The following ADAMTS18 variants were observed in gnomAD, a reference collection of about 807,000 sequenced individuals.
ADAMTS18 encodes the protein ADAM metallopeptidase with thrombospondin type 1 motif 18, also known as A disintegrin and metalloproteinase with thrombospondin motifs 18.
Under a neutral mutation model 165.9 loss-of-function variants are expected in ADAMTS18, and 157 were observed. That is an observed-to-expected ratio of 0.95 (90% CI 0.83 to 1.08). The LOEUF is 1.08. Ranked by LOEUF, ADAMTS18 falls within the 50% of genes least tolerant of loss-of-function variation. ADAMTS18 has a pLI of 0.00. For missense variants in ADAMTS18, 2,040 were observed against 1,534.0 expected (o/e 1.33, Z -5.51); for synonymous variants, 782 against 578.2 (o/e 1.35, Z -5.06).
chr16:77,326,156 T>C, intron 12 of ADAMTS18, 118 bp from the exon 13 acceptor site: 1 of 937,238 alleles, frequency 1.1e-6, no homozygotes. Flanking sequence ...TGCAAAGGCA[T>C]ACAGTCTATT....
intron 16 of ADAMTS18, among the ~76,000 whole-genome samples, chr16:77,314,039 G>T (rs577701309): frequency 1.3e-5 from 2 of 152,168 alleles, no homozygotes; most frequent in African/African-American, 4.8e-5. Flanking sequence ...GGAAATGCTA[G>T]TATCTTCCTC....
chr16:77,375,585 C>G (rs1288956983), intron 3 of ADAMTS18, among the ~76,000 whole-genome samples: 1 of 152,082 alleles, frequency 6.6e-6, no homozygotes, highest in Non-Finnish European at 1.5e-5. Context: ...TGTCTCAGAG[C>G]TAAGGAGCGG....
intron 22 of ADAMTS18, among the ~76,000 whole-genome samples, chr16:77,285,463 C>A (rs565250241): frequency 7.4e-6 from 1 of 135,234 alleles, no homozygotes; most frequent in East Asian, 2.3e-4. Context: ...GTGAGGCACA[C>A]CCCCGGCCAT....
At chr16:77,417,201 A>G (rs1028404699) in intron 3 of ADAMTS18, among the ~76,000 whole-genome samples, 2 of 152,146 alleles carry the variant, frequency 1.3e-5, no homozygotes, top group African/African-American at 2.4e-5. Flanking sequence ...ATAGTCTGTC[A>G]TAATGTGAAG....
At chr16:77,326,135 G>A in intron 12 of ADAMTS18, 97 bp from the exon 13 acceptor site, 1 of 1,199,874 alleles carries the variant, frequency 8.3e-7, no homozygotes, top group East Asian at 2.5e-5. Flanking sequence ...GATGAGCACT[G>A]CCACAGTGTA....
At position 77,434,503 on chromosome 16, in the gene ADAMTS18, C is replaced by G; in HGVS notation, c.93G>C (p.Ala31=). The change falls in exon 2 of 23, where the codon GCG becomes GCC. Residue 31 remains alanine (A), a splice_region_variant and synonymous_variant. Coordinates refer to ENST00000282849, the MANE Select transcript of ADAMTS18 (RefSeq NM_199355.4). The part of the protein sequence containing the change: ...GLAGLGRVAK[A]LQLCCLCCAS... Reference sequence around the variant, plus strand: ...CACAGCAGAGGCAGCACAGCTGGAGCGCCTGCAAGAGAAAAGGTGACATCG... The same window carrying G: ...CACAGCAGAGGCAGCACAGCTGGAGGGCCTGCAAGAGAAAAGGTGACATCG... The G allele has an allele frequency of 6.4e-7, 1 of 1,558,220 alleles. No individual in the cohort carries two copies. Among genetic ancestry groups the G allele is most frequent in the Non-Finnish European group, 8.7e-7 (1 of 1,155,724 alleles).
intron 3 of ADAMTS18, among the ~76,000 whole-genome samples, chr16:77,389,716 A>G (rs1469847903): frequency 1.3e-5 from 2 of 152,224 alleles, no homozygotes; most frequent in African/African-American, 4.8e-5. Flanking sequence ...AAAGAGGCTA[A>G]GGTTAGCCAA....
chr16:77,370,177 G>C (rs909967379), intron 3 of ADAMTS18, among the ~76,000 whole-genome samples: 30 of 152,236 alleles, frequency 2.0e-4, no homozygotes, highest in African/African-American at 6.0e-4. Flanking sequence ...TCCAGAACAA[G>C]ACAAAGATGC....
At chr16:77,406,495 T>C (rs1268018115) in intron 3 of ADAMTS18, among the ~76,000 whole-genome samples, 1 of 151,852 alleles carries the variant, frequency 6.6e-6, no homozygotes, top group South Asian at 2.1e-4. Flanking sequence ...CAATAAACAA[T>C]AAATAAATAA....
intron 13 of ADAMTS18, among the ~76,000 whole-genome samples, chr16:77,323,004 GA>G (rs1033821892): frequency 1.3e-5 from 2 of 151,456 alleles, no homozygotes; most frequent in Non-Finnish European, 2.9e-5. Flanking sequence ...AACATATAGA[GA>G]AAAAAAACCA....
At chr16:77,301,548 C>G (rs553580752) in intron 16 of ADAMTS18, among the ~76,000 whole-genome samples, 1 of 152,312 alleles carries the variant, frequency 6.6e-6, no homozygotes, top group South Asian at 2.1e-4. Flanking sequence ...ACCACTAGAA[C>G]TGGGCATTCA....
Position 77,375,890 on chromosome 16 carries a change from CTTTTTTTTTTTTTTTT to C in ADAMTS18, c.496-8183_496-8168del, listed in dbSNP as rs200629744. ...TTTTATGTCGTTTTTTCTTTCTTTC[CTTTTTTTTTTTTTTTT>C]TTTTTTTTTTTTTTGAGACGGAGTT... On this transcript the variant is annotated intron_variant, in intron 3 of 22. Coordinates refer to ENST00000282849, the MANE Select transcript of ADAMTS18 (RefSeq NM_199355.4). Among the ~76,000 whole-genome samples, 587 of 93,900 alleles carry C rather than the reference CTTTTTTTTTTTTTTTT, an allele frequency of 6.3e-3. 7 individuals are homozygous for C. Among genetic ancestry groups the C allele is most frequent in the East Asian group, 0.027 (101 of 3,738 alleles). 61.6% of individuals were successfully genotyped at this position (93,900 alleles called of 152,430 possible).
chr16:77,394,157 G>A (rs908937335), intron 3 of ADAMTS18, among the ~76,000 whole-genome samples: 1 of 152,198 alleles, frequency 6.6e-6, no homozygotes, highest in African/African-American at 2.4e-5. Context: ...GCAGCCATTT[G>A]CTGGGGTGGA....
intron 17 of ADAMTS18, 86 bp from the exon 18 acceptor site, chr16:77,297,501 T>A: frequency 5.1e-6 from 7 of 1,366,198 alleles, no homozygotes; most frequent in Non-Finnish European, 7.3e-6. Flanking sequence ...TTTACCAGCA[T>A]TGTGATATTT....
intron 3 of ADAMTS18, among the ~76,000 whole-genome samples, chr16:77,410,338 T>C (rs1003653052): frequency 5.3e-5 from 8 of 151,962 alleles, no homozygotes; most frequent in South Asian, 2.1e-4. Context: ...TGTTTAAATG[T>C]ATGACTAGGC....
At chr16:77,335,409 C>A (rs1289679131) in intron 12 of ADAMTS18, among the ~76,000 whole-genome samples, 1 of 151,134 alleles carries the variant, frequency 6.6e-6, no homozygotes, top group African/African-American at 2.4e-5. Flanking sequence ...TGAGTAAGAT[C>A]TAGTATTCAG....
rs1342282223 is a variant in ADAMTS18 at position 77,322,410 on chromosome 16, T to C, written c.2089A>G (p.Met697Val). 3 of 1,613,940 alleles carry C rather than the reference T, an allele frequency of 1.9e-6. No homozygotes were observed. The highest frequency in any genetic ancestry group is 2.5e-6 in the Non-Finnish European group (3 of 1,179,956). Residue 697 changes from methionine (M) to valine (V), a missense_variant, in exon 14 of 23, where the codon ATG (methionine) becomes GTG (valine). Transcript: ENST00000282849. ...KAENFEFFFA[M>V]SGKVKDGTPC... is the part of the protein sequence containing the mutation. ...GTTCCATCTTTCACTTTGCCGGACA[T>C]TGCAAAAAAAAATTCAAAGTTCTCA...
chr16:77,364,787 C>G (rs541668423), intron 4 of ADAMTS18, among the ~76,000 whole-genome samples: 3 of 135,740 alleles, frequency 2.2e-5, no homozygotes, highest in African/African-American at 1.0e-4. Context: ...GAAAGCAAAG[C>G]AAAGCAAAGG....
intron 17 of ADAMTS18, among the ~76,000 whole-genome samples, chr16:77,298,223 T>G (rs1022499860): frequency 6.6e-6 from 1 of 152,100 alleles, no homozygotes; most frequent in South Asian, 2.1e-4. Flanking sequence ...GCCTCTGCTT[T>G]TGCTTCCTTA....
Sources: allele counts gnomAD v4.1 joint callset (sites outside exome capture counted in the v4.1 genomes callset), GRCh38; gene constraint gnomAD v4.1.1; transcripts MANE v1.5; gene names NCBI Gene and HGNC (gene_info 2026-07-23, HGNC 2026-07-21).